The following EGFLAM variants were observed in gnomAD, a reference collection of about 807,000 sequenced individuals.
EGFLAM encodes the protein pikachurin.
A neutral mutation model predicts 113.1 loss-of-function variants in EGFLAM; 79 were observed. That is an observed-to-expected ratio of 0.70 (90% CI 0.58 to 0.84). The LOEUF is 0.84. Among genes scored for constraint, EGFLAM ranks in the 40% least tolerant of loss-of-function variants. EGFLAM has a pLI of 0.00. For missense variants in EGFLAM, 1,265 were observed against 1,291.6 expected (o/e 0.98, Z 0.32); for synonymous variants, 504 against 487.6 (o/e 1.03, Z -0.44).
At chr5:38,312,264 CAG>C (rs1298838357) in intron 1 of EGFLAM, among the ~76,000 whole-genome samples, 1 of 144,998 alleles carries the variant, frequency 6.9e-6, no homozygotes, top group Non-Finnish European at 1.5e-5. Flanking sequence ...TTTTTTGAGA[CAG>C]AGTCTCGCTC....
chr5:38,352,101 G>A (rs544667729), intron 4 of EGFLAM, 95 bp from the exon 5 acceptor site: 38 of 1,552,716 alleles, frequency 2.4e-5, no homozygotes, highest in Middle Eastern at 2.2e-4. Flanking sequence ...TATATTAAAC[G>A]TCTCCAATGG....
chr5:38,387,197 A>T (rs7725511), intron 6 of EGFLAM, among the ~76,000 whole-genome samples: 11,208 of 152,248 alleles, frequency 0.074, 695 homozygotes, highest in African/African-American at 0.16. Flanking sequence ...GGCAGAAAGT[A>T]GAAACCCATC....
intron 5 of EGFLAM, among the ~76,000 whole-genome samples, chr5:38,358,438 C>G (rs1739824447): frequency 8.4e-6 from 1 of 118,674 alleles, no homozygotes; most frequent in Non-Finnish European, 1.7e-5. Flanking sequence ...CAGAGCAAGA[C>G]TCCGTCTCAA....
chr5:38,349,087 G>A (rs1739549212), intron 3 of EGFLAM, among the ~76,000 whole-genome samples: 1 of 152,134 alleles, frequency 6.6e-6, no homozygotes, highest in Non-Finnish European at 1.5e-5. Context: ...TTAAAAAATT[G>A]TAGGGATGCC....
intron 3 of EGFLAM, among the ~76,000 whole-genome samples, chr5:38,347,403 T>G (rs1739499512): frequency 6.6e-6 from 1 of 152,118 alleles, no homozygotes; most frequent in Non-Finnish European, 1.5e-5. Flanking sequence ...ACAAATCAAC[T>G]GATAATTAAA....
At chr5:38,271,991 GT>G (rs1233313255) in intron 1 of EGFLAM, among the ~76,000 whole-genome samples, 1 of 152,218 alleles carries the variant, frequency 6.6e-6, no homozygotes. Flanking sequence ...CAGAAAAAGT[GT>G]CACTTCCATG....
intron 3 of EGFLAM, among the ~76,000 whole-genome samples, chr5:38,347,919 G>T (rs1248009926): frequency 6.6e-6 from 1 of 152,066 alleles, no homozygotes; most frequent in Non-Finnish European, 1.5e-5. Flanking sequence ...CTGTAAGGAT[G>T]AAATGACAGA....
At chr5:38,324,117 G>A (rs975704112) in intron 1 of EGFLAM, among the ~76,000 whole-genome samples, 2 of 150,098 alleles carry the variant, frequency 1.3e-5, no homozygotes, top group Non-Finnish European at 3.0e-5. Context: ...TTGCAGAGAT[G>A]TGAGGAAAGC....
At chr5:38,421,004 C>A (rs1262404496) in intron 12 of EGFLAM, among the ~76,000 whole-genome samples, 1 of 152,162 alleles carries the variant, frequency 6.6e-6, no homozygotes, top group Non-Finnish European at 1.5e-5. Flanking sequence ...GCTGATTATC[C>A]TTCCTCAGCT....
chr5:38,348,567 AGTT>A (rs1739535642), intron 3 of EGFLAM, among the ~76,000 whole-genome samples: 1 of 152,172 alleles, frequency 6.6e-6, no homozygotes, highest in Admixed American at 6.5e-5. Flanking sequence ...TTCATTACAA[AGTT>A]GTTACGGTGC....
chr5:38,264,142 G>A (rs1273290766), intron 1 of EGFLAM, among the ~76,000 whole-genome samples: 5 of 152,206 alleles, frequency 3.3e-5, no homozygotes, highest in African/African-American at 1.2e-4. Flanking sequence ...ATTTAGACAA[G>A]TCTCCTGACA....
chr5:38,280,231 T>C (rs1056570738), intron 1 of EGFLAM, among the ~76,000 whole-genome samples: 7 of 152,212 alleles, frequency 4.6e-5, no homozygotes, highest in African/African-American at 1.7e-4. Flanking sequence ...TTTGAAAACA[T>C]AAATGACTAC....
chr5:38,304,296 T>A (rs1416397807), intron 1 of EGFLAM, among the ~76,000 whole-genome samples: 2 of 152,154 alleles, frequency 1.3e-5, no homozygotes, highest in Admixed American at 6.5e-5. Context: ...ATTGAAAGTA[T>A]GATTGAGAAG....
intron 13 of EGFLAM, among the ~76,000 whole-genome samples, 194 bp from the exon 14 acceptor site, chr5:38,426,815 A>G (rs978019259): frequency 6.6e-6 from 1 of 152,182 alleles, no homozygotes; most frequent in African/African-American, 2.4e-5. Context: ...TTTAGGGGCC[A>G]GACTTAGGGT....
intron 1 of EGFLAM, among the ~76,000 whole-genome samples, chr5:38,267,680 A>G (rs1757666769): frequency 6.6e-6 from 1 of 152,184 alleles, no homozygotes; most frequent in Non-Finnish European, 1.5e-5. Flanking sequence ...TGGCATAAGA[A>G]TTTACAGCTA....
intron 1 of EGFLAM, among the ~76,000 whole-genome samples, chr5:38,302,330 G>C (rs1048423971): frequency 3.3e-5 from 5 of 151,714 alleles, no homozygotes; most frequent in African/African-American, 1.2e-4. Flanking sequence ...GGATAATAAT[G>C]ACAAACATGG....
chr5:38,326,274 C>T (rs1261270655), intron 1 of EGFLAM, among the ~76,000 whole-genome samples: 3 of 152,174 alleles, frequency 2.0e-5, no homozygotes, highest in Non-Finnish European at 4.4e-5. Context: ...CAGAACTGTC[C>T]TCGAGAATCC....
At chr5:38,350,442 A>G in intron 3 of EGFLAM, 59 bp from the exon 4 acceptor site, 1 of 1,526,392 alleles carries the variant, frequency 6.6e-7, no homozygotes, top group South Asian at 1.2e-5. Flanking sequence ...TGGAAATTGT[A>G]CAATTTGCCC....
chr5:38,289,568 G>C (rs1326974358), intron 1 of EGFLAM, among the ~76,000 whole-genome samples: 1 of 152,190 alleles, frequency 6.6e-6, no homozygotes, highest in African/African-American at 2.4e-5. Context: ...GAGGAGGAAA[G>C]TGGACAGAAG....
Sources: allele counts gnomAD v4.1 joint callset (sites outside exome capture counted in the v4.1 genomes callset), GRCh38; gene constraint gnomAD v4.1.1; transcripts MANE v1.5; gene names NCBI Gene and HGNC (gene_info 2026-07-23, HGNC 2026-07-21).